TUT4: variants seen among roughly 807,000 people sequenced by gnomAD.
TUT4 encodes terminal uridylyltransferase 4.
Under a neutral mutation model 192.2 loss-of-function variants are expected in TUT4, and 36 were observed. The observed-to-expected ratio is 0.19, with a 90% CI of 0.14 to 0.25. The LOEUF is 0.25. TUT4 is among the 10% of genes least tolerant of loss of function. The pLI, the probability that TUT4 is intolerant of heterozygous loss-of-function variation, is 1.00. For synonymous variants in TUT4, 618 were observed against 666.0 expected, an observed-to-expected ratio of 0.93 and a Z score of 1.11; for missense variants, 1,493 against 1,957.2, an observed-to-expected ratio of 0.76 and a Z score of 4.47.
At chr1:52,551,272 G>A (rs915484614) in intron 1 of TUT4, among the ~76,000 whole-genome samples, 1 of 152,026 alleles carries the variant, frequency 6.6e-6, no homozygotes, top group African/African-American at 2.4e-5. Context: ...AATGTTTGCT[G>A]GATTTAAAAC....
intron 2 of TUT4, among the ~76,000 whole-genome samples, chr1:52,520,653 T>TC (rs962064929): frequency 6.6e-6 from 1 of 152,216 alleles, no homozygotes; most frequent in African/African-American, 2.4e-5. Flanking sequence ...CCTCTTTCCT[T>TC]CAAGTATTTG....
upstream of TUT4, chr1:52,553,190 G>A (rs1689936978): frequency 6.9e-6 from 1 of 144,134 alleles, no homozygotes; most frequent in Non-Finnish European, 1.6e-5. Context: ...GAGGGAGAGC[G>A]GTTGCCGGGG....
chr1:52,494,966 T>C (rs535130697), intron 6 of TUT4, among the ~76,000 whole-genome samples: 15 of 152,228 alleles, frequency 9.9e-5, no homozygotes, highest in African/African-American at 3.4e-4. Flanking sequence ...AAAGTACCCA[T>C]ATGTACCAGA....
In TUT4 at chr1:52,474,813, T is replaced by C; in HGVS notation, c.2727+19A>G. On this transcript the variant is annotated intron_variant, in intron 13 of 29. Transcript: ENST00000257177. ...AACAACCACAAAATCTTACAGATCA[T>C]TTACAAACTGTATCCTACCTTGCCA... 6.4e-7 allele frequency: 1 copy of C among 1,553,246 alleles called. No individual in the cohort carries two copies. Among genetic ancestry groups the C allele is most frequent in the Non-Finnish European group, 8.7e-7 (1 of 1,154,046 alleles).
chr1:52,425,751 G>T (rs559934680), intron 28 of TUT4, among the ~76,000 whole-genome samples: 1 of 151,646 alleles, frequency 6.6e-6, no homozygotes, highest in Non-Finnish European at 1.5e-5. Context: ...AGTAGAACAG[G>T]CAAAATGTTC....
intron 9 of TUT4, among the ~76,000 whole-genome samples, chr1:52,486,047 T>A (rs1669709055): frequency 6.6e-6 from 1 of 152,110 alleles, no homozygotes; most frequent in Non-Finnish European, 1.5e-5. Flanking sequence ...TCCACTAGAA[T>A]AAACTCTCAC....
chr1:52,449,142 G>A (rs1354648388), intron 20 of TUT4, among the ~76,000 whole-genome samples: 2 of 151,714 alleles, frequency 1.3e-5, no homozygotes, highest in Non-Finnish European at 2.9e-5. Flanking sequence ...CATTCAACAC[G>A]AATCATCTTC....
At position 52,465,429 on chromosome 1, in the gene TUT4, T is replaced by A. The variant is rs1023445437; in HGVS notation, c.2966-256A>T. On this transcript the variant is annotated intron_variant, in intron 15 of 29. Transcript: ENST00000257177. ...ATTCAACACGTCTGAACTATCAACT[T>A]TGCCCCAAATCTATTACTATTTCTA... 2.0e-5 allele frequency among the ~76,000 whole-genome samples: 3 copies of A among 152,294 alleles called. No individual in the cohort carries two copies. In the East Asian group the frequency reaches 5.8e-4, roughly 29 times the overall value.
intron 20 of TUT4, among the ~76,000 whole-genome samples, chr1:52,452,620 T>C (rs892683514): frequency 1.3e-5 from 2 of 152,230 alleles, no homozygotes; most frequent in African/African-American, 2.4e-5. Context: ...AAATAGCTTC[T>C]TGATAGCTGA....
rs753027315 is a variant in TUT4, at chr1:52,468,272, G to T, written c.2879-5C>A. 6.4e-7 allele frequency: 1 copy of T among 1,567,070 alleles called. No individual in the cohort carries two copies. Among genetic ancestry groups the T allele is most frequent in the Non-Finnish European group, 8.6e-7 (1 of 1,165,540 alleles). On this transcript the variant is annotated splice_polypyrimidine_tract_variant and splice_region_variant and intron_variant, in intron 14 of 29. Coordinates refer to ENST00000257177, the MANE Select transcript of TUT4 (RefSeq NM_001009881.3). The stretch of plus-strand genomic sequence containing the variant: ...AACAAGGTGGTGATAACTCATCTGG[G>T]TTTATAAAAAGAAGAAAAAAGGAAA...
chr1:52,508,749 G>C (rs1259563595), intron 4 of TUT4, among the ~76,000 whole-genome samples: 1 of 152,106 alleles, frequency 6.6e-6, no homozygotes, highest in Non-Finnish European at 1.5e-5. Context: ...AAGACCTAGA[G>C]ATAAGAGGTT....
In TUT4 at chr1:52,436,626, T is replaced by C. The variant is rs113716719; in HGVS notation, c.4162+129A>G. The C allele has an allele frequency of 1.8e-5, 26 of 1,423,780 alleles. No homozygotes were observed. In the African/African-American group the frequency reaches 2.6e-4, roughly 14 times the overall value. The allele number at this position is 1,423,780 out of a possible 1,614,324, so 88.2% of individuals were successfully genotyped here. The stretch of plus-strand genomic sequence containing the variant: ...GCCTCATTGTCTAAATTTTATCTCT[T>C]TAAGAAATTGTAAGGTCCAAAATCA... On this transcript the variant is annotated intron_variant, in intron 26 of 29. Coordinates refer to ENST00000257177, the MANE Select transcript of TUT4 (RefSeq NM_001009881.3).
intron 16 of TUT4, chr1:52,463,111 G>A: frequency 2.0e-6 from 2 of 983,058 alleles, no homozygotes; most frequent in Non-Finnish European, 2.4e-6. Flanking sequence ...TCATCTGAAA[G>A]AAAATGATTT....
intron 3 of TUT4, among the ~76,000 whole-genome samples, chr1:52,511,700 C>T (rs955547137): frequency 6.6e-6 from 1 of 152,052 alleles, no homozygotes; most frequent in African/African-American, 2.4e-5. Flanking sequence ...ATTTGAGAAA[C>T]TACAAAAAAG....
At chr1:52,473,700 T>G (rs1411200700) in intron 13 of TUT4, among the ~76,000 whole-genome samples, 6 of 152,330 alleles carry the variant, frequency 3.9e-5, no homozygotes, top group Middle Eastern at 3.4e-3. Context: ...GACTTTCCTT[T>G]TGTTTTTTTT....
At chr1:52,540,218 C>CA (rs1329351412) in intron 1 of TUT4, among the ~76,000 whole-genome samples, 4,302 of 100,294 alleles carry the variant, frequency 0.043, 85 homozygotes, top group South Asian at 0.08. Flanking sequence ...GACTCTGTCT[C>CA]AAAAAAAAAA....
At chr1:52,488,751 A>G (rs1444023483) in intron 9 of TUT4, among the ~76,000 whole-genome samples, 158 bp downstream of exon 9, 1 of 152,226 alleles carries the variant, frequency 6.6e-6, no homozygotes, top group African/African-American at 2.4e-5. Flanking sequence ...CATAAATTAC[A>G]ACCTGCCACA....
At chr1:52,459,254 C>A (rs1308451648) in intron 19 of TUT4, among the ~76,000 whole-genome samples, 2 of 151,720 alleles carry the variant, frequency 1.3e-5, no homozygotes, top group African/African-American at 4.8e-5. Context: ...CCACTGCACT[C>A]CAGCCTGGGC....
At chr1:52,527,743 T>C (rs772559473) in intron 1 of TUT4, among the ~76,000 whole-genome samples, 3 of 152,018 alleles carry the variant, frequency 2.0e-5, no homozygotes, top group Non-Finnish European at 4.4e-5. Context: ...TGCGGGCCAA[T>C]GTAGGTTCAT....
Sources: gnomAD v4.1 joint callset for allele counts (sites outside exome capture counted in the v4.1 genomes callset) on GRCh38, gnomAD v4.1.1 for gene constraint, MANE v1.5 for transcripts, NCBI Gene and HGNC (gene_info 2026-07-23, HGNC 2026-07-21) for gene names.